Variants in LRRC31 observed in about 807,000 individuals in gnomAD.
The protein encoded by LRRC31 is leucine-rich repeat-containing protein 31.
Under a neutral mutation model 46.7 loss-of-function variants are expected in LRRC31, and 35 were observed. The ratio of observed to expected loss-of-function variants is 0.75; its 90% CI spans 0.57 to 0.99. The LOEUF (loss-of-function observed/expected upper bound fraction) is 0.99. LRRC31 is among the 50% of genes least tolerant of loss of function. The pLI is 0.00. For synonymous variants in LRRC31, 236 were observed against 235.1 expected, an observed-to-expected ratio of 1.00 and a Z score of -0.03; for missense variants, 613 against 626.1, an observed-to-expected ratio of 0.98 and a Z score of 0.22.
chr3:169,840,090 C>T lies in LRRC31; in HGVS notation c.1551G>A (p.Glu517=). 1.2e-6 allele frequency: 2 copies of T among 1,614,086 alleles called. No homozygotes were observed. Among genetic ancestry groups the T allele is most frequent in the Non-Finnish European group, 1.7e-6 (2 of 1,179,994 alleles). Residue 517 remains glutamate (E), a synonymous_variant, in exon 9 of 9, where the codon GAG becomes GAA. Coordinates refer to ENST00000316428, the MANE Select transcript of LRRC31 (RefSeq NM_024727.4). The part of the protein sequence containing the change: ...YAVTKLPQIT[E]IGMKRWILPA... ...GGAGAATCCATCTTTTCATTCCTAT[C>T]TCAGTGATCTGAGGAAGCTTGGTCA...
intron 5 of LRRC31, among the ~76,000 whole-genome samples, 182 bp downstream of exon 5, chr3:169,856,154 A>G (rs992249990): frequency 1.3e-5 from 2 of 152,086 alleles, no homozygotes; most frequent in African/African-American, 4.8e-5. Context: ...AAGTGCTGGG[A>G]TTGCAGATGT....
chr3:169,857,341 TATATAC>T (rs543049359), intron 3 of LRRC31, among the ~76,000 whole-genome samples: 2,031 of 110,030 alleles, frequency 0.018, 94 homozygotes, highest in South Asian at 0.093. Flanking sequence ...TATATATATA[TATATAC>T]ACACACACAC....
Position 169,839,985 on chromosome 3 carries a change from C to G in LRRC31, c.1656G>C (p.Gln552His). 2 of 1,607,234 alleles carry G rather than the reference C, an allele frequency of 1.2e-6. No homozygotes were observed. The highest frequency in any genetic ancestry group is 1.3e-5 in the African/African-American group (1 of 74,666). The part of the protein sequence containing the change: ...RSIHFDHGGF[Q>H] ...TAGTAGGACATGGGAAATCAGTTTA[C>G]TGAAACCCACCATGGTCAAAGTGAA... Residue 552 changes from glutamine (Q) to histidine (H), a missense_variant, in exon 9 of 9, where the codon CAG (glutamine) becomes CAC (histidine). By Grantham distance (24) the Gln-to-His change is conservative. Transcript: ENST00000316428.
In LRRC31 at chr3:169,839,468, T is replaced by G. The variant is rs1281580020; in HGVS notation, c.*514A>C. Reference sequence around the variant, plus strand: ...TACATAGACTACATTAAGATACATATAGTAATAGTAATGATACATGAAACT... The same window carrying G: ...TACATAGACTACATTAAGATACATAGAGTAATAGTAATGATACATGAAACT... On this transcript the variant is annotated 3_prime_UTR_variant, in exon 9 of 9. Transcript: ENST00000316428. 1 of 152,046 alleles carries G rather than the reference T, an allele frequency of 6.6e-6. No homozygotes were observed. Among genetic ancestry groups the G allele is most frequent in the East Asian group, 1.9e-4 (1 of 5,192 alleles). 9.4% of individuals were successfully genotyped at this position (152,046 alleles called of 1,614,324 possible). A position where few individuals can be genotyped will look rare whatever the true frequency, so the allele number is the denominator to read the frequency against.
intron 8 of LRRC31, among the ~76,000 whole-genome samples, chr3:169,846,762 C>T (rs530619506): frequency 6.6e-6 from 1 of 152,302 alleles, no homozygotes; most frequent in African/African-American, 2.4e-5. Flanking sequence ...CTTCTACAAA[C>T]TTCAGGTCTT....
rs1304314364 is a variant in LRRC31, at chr3:169,860,659, G to C, written c.389C>G (p.Thr130Ser). 4 of 1,613,988 alleles carry C rather than the reference G, an allele frequency of 2.5e-6. No homozygotes were observed. The highest frequency in any genetic ancestry group is 3.4e-6 in the Non-Finnish European group (4 of 1,179,988). Reference sequence around the variant, plus strand: ...CATTTGCTGAGTGATGGAAAGGAGGGTTCCACCTACAAAACCATTCCAGGA... The same window carrying C: ...CATTTGCTGAGTGATGGAAAGGAGGCTTCCACCTACAAAACCATTCCAGGA... ...DISWNGFVGG[T>S]LLSITQQMHL... Residue 130 changes from threonine (T) to serine (S), a missense_variant, in exon 3 of 9, where the codon ACC becomes AGC. By Grantham distance (58) the Thr-to-Ser change is moderately conservative. Coordinates refer to ENST00000316428, the MANE Select transcript of LRRC31 (RefSeq NM_024727.4).
chr3:169,864,632 G>C (rs1292663171), intron 1 of LRRC31, among the ~76,000 whole-genome samples: 2 of 152,156 alleles, frequency 1.3e-5, no homozygotes, highest in Admixed American at 6.5e-5. Context: ...GCAAACAATT[G>C]AATGAATGAA....
intron 3 of LRRC31, among the ~76,000 whole-genome samples, chr3:169,857,876 T>C (rs917280301): frequency 2.6e-5 from 4 of 152,160 alleles, no homozygotes; most frequent in African/African-American, 7.2e-5. Flanking sequence ...CCAGGAGTTA[T>C]AGCATCTTAA....
At chr3:169,841,308 C>T (rs1275075075) in intron 8 of LRRC31, among the ~76,000 whole-genome samples, 1 of 152,228 alleles carries the variant, frequency 6.6e-6, no homozygotes, top group Admixed American at 6.5e-5. Context: ...GGACAACAGC[C>T]AGGTCTCCCT....
chr3:169,854,760 A>G, intron 6 of LRRC31, 53 bp downstream of exon 6: 1 of 1,436,962 alleles, frequency 7.0e-7, no homozygotes, highest in East Asian at 2.3e-5. Context: ...CAAGTTTCCA[A>G]ATATAGGCCA....
rs1160957099 is a variant in LRRC31, at chr3:169,860,734, A to G, written c.320-6T>C. 1 of 1,613,112 alleles carries G rather than the reference A, an allele frequency of 6.2e-7. No individual in the cohort carries two copies. The highest frequency in any genetic ancestry group is 1.1e-5 in the South Asian group (1 of 91,034). ...GAGAAAAGGCAGCAAGGCAACTAGA[A>G]GTGAACAGAAGAAAATACAGATATG... On this transcript the variant is annotated splice_polypyrimidine_tract_variant and splice_region_variant and intron_variant, in intron 2 of 8. Transcript: ENST00000316428.
At position 169,848,478 on chromosome 3, in the gene LRRC31, G is replaced by A. The variant is rs373727992; in HGVS notation, c.1160-191C>T. On this transcript the variant is annotated intron_variant, in intron 7 of 8. Transcript: ENST00000316428. ...GTCTGTTTTTTGTTTTTTGTTTTGAGACAGAGCCTTGCTCTGTCACCAGGC... is the reference window on the plus strand; with the variant it reads ...GTCTGTTTTTTGTTTTTTGTTTTGAAACAGAGCCTTGCTCTGTCACCAGGC... Among the ~76,000 whole-genome samples the A allele has an allele frequency of 3.2e-4, 49 of 152,128 alleles. No homozygotes were observed. The East Asian group carries it at 7.9e-3, about 25-fold the overall frequency.
intron 6 of LRRC31, among the ~76,000 whole-genome samples, chr3:169,852,262 G>A (rs1277899767): frequency 6.6e-6 from 1 of 151,438 alleles, no homozygotes; most frequent in Non-Finnish European, 1.5e-5. Context: ...AATTAGCCGG[G>A]CGCAGTGGCG....
chr3:169,868,799 G>A (rs1476264698), intron 1 of LRRC31, among the ~76,000 whole-genome samples: 1 of 152,122 alleles, frequency 6.6e-6, no homozygotes, highest in Non-Finnish European at 1.5e-5. Context: ...ACTCATAGTT[G>A]AGTCTTTAGT....
At chr3:169,853,268 A>G in intron 6 of LRRC31, 1 of 985,228 alleles carries the variant, frequency 1.0e-6, no homozygotes, top group Non-Finnish European at 1.2e-6. Context: ...GCAATTTACA[A>G]TGATCGGATA....
intron 8 of LRRC31, among the ~76,000 whole-genome samples, chr3:169,842,067 A>G (rs1260930223): frequency 1.3e-5 from 2 of 152,080 alleles, no homozygotes; most frequent in African/African-American, 4.8e-5. Flanking sequence ...AATAAAATAC[A>G]TAAATAAATA....
chr3:169,866,261 A>G (rs1177826518), intron 1 of LRRC31, among the ~76,000 whole-genome samples: 1 of 152,190 alleles, frequency 6.6e-6, no homozygotes, highest in Non-Finnish European at 1.5e-5. Flanking sequence ...AATGAGAGCT[A>G]GGCAGCAGCA....
chr3:169,857,931 T>C (rs7647274), intron 3 of LRRC31, among the ~76,000 whole-genome samples: 3,817 of 152,030 alleles, frequency 0.025, 142 homozygotes, highest in African/African-American at 0.087. Context: ...TACCAGTCAA[T>C]TGGGGGTGAC....
intron 8 of LRRC31, among the ~76,000 whole-genome samples, chr3:169,844,885 T>G (rs1378394218): frequency 7.0e-6 from 1 of 142,032 alleles, no homozygotes; most frequent in Non-Finnish European, 1.5e-5. Context: ...TGAGCCGAGA[T>G]CATGCCACTG....
Sources: allele counts gnomAD v4.1 joint callset (sites outside exome capture counted in the v4.1 genomes callset), GRCh38; gene constraint gnomAD v4.1.1; transcripts MANE v1.5; gene names NCBI Gene and HGNC (gene_info 2026-07-23, HGNC 2026-07-21).